The following PABPC4L variants were observed in gnomAD, a reference collection of about 807,000 sequenced individuals.
The protein encoded by PABPC4L is poly(A) binding protein cytoplasmic 4 like.
For synonymous variants in PABPC4L, 169 were observed against 164.1 expected, an observed-to-expected ratio of 1.03 and a Z score of -0.23; for missense variants, 452 against 451.4, an observed-to-expected ratio of 1.00 and a Z score of -0.01.
rs970833568 is a variant in PABPC4L at position 134,201,044 on chromosome 4, T to G, written c.-25A>C. ...TCTCCTTGTCCTTGCCACTGTGAGT[T>G]TGTCCCCTGGAGTTCTTTGAGCAAT... is the stretch of plus-strand genomic sequence containing the variant. On this transcript the variant is annotated 5_prime_UTR_variant, in exon 2 of 2. Coordinates refer to ENST00000421491, the MANE Select transcript of PABPC4L (RefSeq NM_001114734.2). The G allele has an allele frequency of 6.4e-7, 1 of 1,551,652 alleles. No individual in the cohort carries two copies. Among genetic ancestry groups the G allele is most frequent in the Non-Finnish European group, 8.7e-7 (1 of 1,146,976 alleles).
chr4:134,021,260 T>C, the PABPC4L span, among the ~76,000 whole-genome samples: 1 of 152,134 alleles, frequency 6.6e-6, no homozygotes, highest in Non-Finnish European at 1.5e-5. Context: ...AAACAATTAT[T>C]AAGCTAACCA....
chr4:134,181,217 T>C, the PABPC4L span, among the ~76,000 whole-genome samples: 1 of 152,020 alleles, frequency 6.6e-6, no homozygotes, highest in African/African-American at 2.4e-5. Flanking sequence ...TGGTTCAACA[T>C]ATGCAAATCA....
At chr4:134,012,935 C>A in the PABPC4L span, among the ~76,000 whole-genome samples, 7 of 152,150 alleles carry the variant, frequency 4.6e-5, no homozygotes, top group African/African-American at 1.7e-4. Context: ...GGACCCAAAA[C>A]TCTGGCGCCG....
the PABPC4L span, among the ~76,000 whole-genome samples, chr4:133,962,775 A>G: frequency 5.3e-5 from 8 of 152,192 alleles, no homozygotes; most frequent in Non-Finnish European, 1.0e-4. Context: ...TGAAGAAAAG[A>G]TACAGTCTTT....
At chr4:134,128,029 A>G in the PABPC4L span, among the ~76,000 whole-genome samples, 7 of 152,284 alleles carry the variant, frequency 4.6e-5, no homozygotes, top group East Asian at 9.6e-4. Context: ...GAAAGTTTCA[A>G]CAATAGAATC....
the PABPC4L span, among the ~76,000 whole-genome samples, chr4:134,113,707 G>C: frequency 6.6e-6 from 1 of 151,786 alleles, no homozygotes; most frequent in Non-Finnish European, 1.5e-5. Context: ...TTCAGTTACA[G>C]GGGTTAAAAA....
chr4:134,107,324 T>C, the PABPC4L span, among the ~76,000 whole-genome samples: 1 of 151,552 alleles, frequency 6.6e-6, no homozygotes, highest in African/African-American at 2.4e-5. Context: ...TATTTTAATA[T>C]TTTCTTCACT....
chr4:134,035,564 A>G, the PABPC4L span, among the ~76,000 whole-genome samples: 1 of 152,036 alleles, frequency 6.6e-6, no homozygotes, highest in Admixed American at 6.6e-5. Context: ...ATGATATAGC[A>G]GAGAGGAAAA....
downstream of PABPC4L, among the ~76,000 whole-genome samples, chr4:134,192,012 G>A (rs1456192959): frequency 6.6e-6 from 1 of 152,020 alleles, no homozygotes; most frequent in Non-Finnish European, 1.5e-5. Context: ...AACTGTCTTT[G>A]TCTATTAATA....
chr4:134,042,648 G>T, the PABPC4L span, among the ~76,000 whole-genome samples: 1 of 152,130 alleles, frequency 6.6e-6, no homozygotes, highest in Non-Finnish European at 1.5e-5. Context: ...GGTCGAGCTG[G>T]CCTAGACTTG....
chr4:134,139,621 C>T, the PABPC4L span, among the ~76,000 whole-genome samples: 1 of 151,748 alleles, frequency 6.6e-6, no homozygotes, highest in African/African-American at 2.4e-5. Flanking sequence ...CATGTACAGT[C>T]ATAGATAATT....
At chr4:134,058,112 G>GT in the PABPC4L span, among the ~76,000 whole-genome samples, 1 of 151,930 alleles carries the variant, frequency 6.6e-6, no homozygotes, top group African/African-American at 2.4e-5. Context: ...AAACAGGGCT[G>GT]TAAATGTCAA....
the PABPC4L span, among the ~76,000 whole-genome samples, chr4:134,009,411 T>A: frequency 6.6e-5 from 10 of 152,000 alleles, no homozygotes; most frequent in African/African-American, 2.4e-4. Flanking sequence ...AGCACAGTGA[T>A]AGCACAACCT....
the PABPC4L span, among the ~76,000 whole-genome samples, chr4:133,995,735 T>C: frequency 6.6e-6 from 1 of 152,138 alleles, no homozygotes; most frequent in Non-Finnish European, 1.5e-5. Context: ...CCCTGGAGCA[T>C]AGCAGCTGTT....
the PABPC4L span, among the ~76,000 whole-genome samples, chr4:134,176,631 C>T: frequency 8.5e-5 from 13 of 152,116 alleles, no homozygotes; most frequent in Non-Finnish European, 1.6e-4. Flanking sequence ...ACTAACCCAA[C>T]AGGCCGATCA....
At chr4:134,032,277 TA>T in the PABPC4L span, among the ~76,000 whole-genome samples, 1 of 151,846 alleles carries the variant, frequency 6.6e-6, no homozygotes, top group South Asian at 2.1e-4. Flanking sequence ...AAAACATAAA[TA>T]GGTTTAATTT....
At chr4:134,130,402 C>T in the PABPC4L span, among the ~76,000 whole-genome samples, 21 of 152,038 alleles carry the variant, frequency 1.4e-4, no homozygotes, top group Non-Finnish European at 2.6e-4. Context: ...TTATGAATGC[C>T]TTTATGCAGA....
At chr4:134,077,313 A>C in the PABPC4L span, among the ~76,000 whole-genome samples, 1 of 152,138 alleles carries the variant, frequency 6.6e-6, no homozygotes. Flanking sequence ...CTGGGCACAG[A>C]GTCTTACTTT....
At chr4:134,112,677 A>C in the PABPC4L span, among the ~76,000 whole-genome samples, 4 of 151,894 alleles carry the variant, frequency 2.6e-5, no homozygotes, top group Non-Finnish European at 4.4e-5. Flanking sequence ...ACTAATGTAT[A>C]TATAATGGTT....
Sources: gnomAD v4.1 joint callset for allele counts (sites outside exome capture counted in the v4.1 genomes callset) on GRCh38, gnomAD v4.1.1 for gene constraint, MANE v1.5 for transcripts, NCBI Gene and HGNC (gene_info 2026-07-23, HGNC 2026-07-21) for gene names.